IL19: variants seen among roughly 807,000 people sequenced by gnomAD.
The protein encoded by IL19 is interleukin-19.
A neutral mutation model predicts 19.5 loss-of-function variants in IL19; 15 were observed. The observed-to-expected ratio is 0.77, with a 90% CI of 0.52 to 1.19. The LOEUF (loss-of-function observed/expected upper bound fraction) is 1.19. Ranked by LOEUF, IL19 falls within the 50% of genes most tolerant of loss-of-function variation. IL19 has a pLI of 0.00. For synonymous variants in IL19, 78 were observed against 78.3 expected (o/e 1.00, Z 0.02); for missense variants, 199 against 213.1 (o/e 0.93, Z 0.41).
At chr1:206,790,090 T>C (rs1461816103) in intron 1 of IL19, among the ~76,000 whole-genome samples, 2 of 152,198 alleles carry the variant, frequency 1.3e-5, no homozygotes, top group African/African-American at 4.8e-5. Context: ...AAATGTGCTT[T>C]TAGTTTTTTG....
chr1:206,775,390 A>G (rs1194000748), intron 1 of IL19, among the ~76,000 whole-genome samples: 3 of 152,004 alleles, frequency 2.0e-5, no homozygotes, highest in Admixed American at 1.3e-4. Flanking sequence ...ATGTGTAGCT[A>G]ATTATCTCAA....
At chr1:206,788,424 A>G (rs1490000209) in intron 1 of IL19, among the ~76,000 whole-genome samples, 1 of 152,210 alleles carries the variant, frequency 6.6e-6, no homozygotes, top group Non-Finnish European at 1.5e-5. Context: ...CATTGAATCT[A>G]TTTTATAGTA....
rs2243160 is a variant in IL19 at position 206,834,543 on chromosome 1, G to C, written c.-2-2118G>C. On this transcript the variant is annotated intron_variant, in intron 2 of 6. Coordinates refer to ENST00000659997, the MANE Select transcript of IL19 (RefSeq NM_153758.5). The stretch of plus-strand genomic sequence containing the variant: ...GCTGGGCATTTGGTAGAATGGGAAG[G>C]GGTACTCTATAGAAAAGGTGAATTT... 6.3e-6 allele frequency: 4 copies of C among 635,612 alleles called. No individual in the cohort carries two copies. In the Admixed American group the frequency reaches 2.5e-4, roughly 40 times the overall value. The allele number at this position is 635,612 out of a possible 1,614,324, so 39.4% of individuals were successfully genotyped here.
intron 2 of IL19, among the ~76,000 whole-genome samples, chr1:206,799,485 C>G (rs1675622239): frequency 1.3e-5 from 2 of 152,148 alleles, no homozygotes; most frequent in African/African-American, 4.8e-5. Context: ...ATCAGAAAGC[C>G]AGAACTCAGC....
At position 206,839,212 on chromosome 1, in the gene IL19, T is replaced by G. The variant is rs535010215; in HGVS notation, c.211-638T>G. ...TCTGCAGGCTGCAGACCTACCCAAA[T>G]ATGCCCATTTCTGCAGCTGTCGGTC... is the stretch of plus-strand genomic sequence containing the variant. On this transcript the variant is annotated intron_variant, in intron 4 of 6. Transcript: ENST00000659997. 2.6e-5 allele frequency among the ~76,000 whole-genome samples: 4 copies of G among 152,356 alleles called. No individual in the cohort carries two copies. In the East Asian group the frequency reaches 5.8e-4, roughly 22 times the overall value.
intron 4 of IL19, among the ~76,000 whole-genome samples, chr1:206,838,231 T>A (rs1676865313): frequency 1.3e-5 from 2 of 152,206 alleles, no homozygotes. Flanking sequence ...TACCAGGTGA[T>A]CATTCATTTT....
At chr1:206,832,883 T>C (rs1676656202) in intron 2 of IL19, among the ~76,000 whole-genome samples, 1 of 152,206 alleles carries the variant, frequency 6.6e-6, no homozygotes, top group Admixed American at 6.5e-5. Context: ...GGGGTTTCTT[T>C]CCCTTGCACC....
At chr1:206,795,700 G>A (rs1215629707) in intron 1 of IL19, among the ~76,000 whole-genome samples, 1 of 152,102 alleles carries the variant, frequency 6.6e-6, no homozygotes, top group African/African-American at 2.4e-5. Context: ...ACTACACATG[G>A]ATAACTGTTT....
At chr1:206,814,726 A>AC (rs58119427) in intron 2 of IL19, among the ~76,000 whole-genome samples, 2 of 145,760 alleles carry the variant, frequency 1.4e-5, no homozygotes, top group Admixed American at 6.8e-5. Flanking sequence ...ACACACACAC[A>AC]ATTCACTTTG....
chr1:206,784,222 A>T (rs1675212168), intron 1 of IL19, among the ~76,000 whole-genome samples: 1 of 152,132 alleles, frequency 6.6e-6, no homozygotes, highest in Admixed American at 6.5e-5. Context: ...CCGCATCAAT[A>T]ATCCAAGGGC....
chr1:206,836,850 T>C lies in IL19; in HGVS notation c.144+44T>C. 1.9e-6 allele frequency: 3 copies of C among 1,606,360 alleles called. 1 individual carries two copies. The East Asian group carries it at 6.7e-5, about 36-fold the overall frequency. On this transcript the variant is annotated intron_variant, in intron 3 of 6. Coordinates refer to ENST00000659997, the MANE Select transcript of IL19 (RefSeq NM_153758.5). Reference sequence around the variant, plus strand: ...AAAGGTGTGGATGACGGAGTATCCCTCCCCTTACATCTTAGCTTGAAAATG... The same window carrying C: ...AAAGGTGTGGATGACGGAGTATCCCCCCCCTTACATCTTAGCTTGAAAATG...
At chr1:206,834,765 A>G (rs1676727355) in intron 2 of IL19, among the ~76,000 whole-genome samples, 1 of 152,196 alleles carries the variant, frequency 6.6e-6, no homozygotes, top group Non-Finnish European at 1.5e-5. Flanking sequence ...TCACTGGTTC[A>G]GAAATGGGTT....
chr1:206,835,015 G>T (rs371414026), intron 2 of IL19, among the ~76,000 whole-genome samples: 1 of 152,208 alleles, frequency 6.6e-6, no homozygotes, highest in African/African-American at 2.4e-5. Flanking sequence ...AAATTCTTGG[G>T]ACAGTGCCCA....
At chr1:206,815,604 C>A (rs1276470495) in intron 2 of IL19, among the ~76,000 whole-genome samples, 1 of 152,122 alleles carries the variant, frequency 6.6e-6, no homozygotes, top group African/African-American at 2.4e-5. Flanking sequence ...TTATCCACCA[C>A]GATTTTGGAG....
intron 2 of IL19, among the ~76,000 whole-genome samples, chr1:206,803,759 C>T (rs529795940): frequency 2.0e-5 from 3 of 152,276 alleles, no homozygotes; most frequent in African/African-American, 7.2e-5. Context: ...GTCCAGAGCC[C>T]TCTAATAAAG....
At chr1:206,777,406 C>CAAA (rs761553258) in intron 1 of IL19, among the ~76,000 whole-genome samples, 4 of 54,018 alleles carry the variant, frequency 7.4e-5, no homozygotes, top group Non-Finnish European at 7.8e-5. Flanking sequence ...GACTCCGTCT[C>CAAA]AAAAAAAAAA....
chr1:206,790,872 G>A (rs1196737333), intron 1 of IL19, among the ~76,000 whole-genome samples: 1 of 152,200 alleles, frequency 6.6e-6, no homozygotes, highest in Non-Finnish European at 1.5e-5. Flanking sequence ...CAGGACGCAG[G>A]CAAGAGCCTC....
chr1:206,774,344 T>A (rs1674937878), intron 1 of IL19, among the ~76,000 whole-genome samples: 1 of 152,192 alleles, frequency 6.6e-6, no homozygotes, highest in Non-Finnish European at 1.5e-5. Flanking sequence ...CCTGCCAGAC[T>A]TAGACTGGCT....
intron 2 of IL19, among the ~76,000 whole-genome samples, chr1:206,818,377 T>G (rs1676215371): frequency 6.6e-6 from 1 of 152,240 alleles, no homozygotes; most frequent in Non-Finnish European, 1.5e-5. Context: ...AATTAATTGG[T>G]CATACATGCA....
Sources: allele counts gnomAD v4.1 joint callset (sites outside exome capture counted in the v4.1 genomes callset), GRCh38; gene constraint gnomAD v4.1.1; transcripts MANE v1.5; gene names NCBI Gene and HGNC (gene_info 2026-07-23, HGNC 2026-07-21).